The following CERT1 variants were observed in gnomAD, a reference collection of about 807,000 sequenced individuals.
CERT1 encodes ceramide transfer protein.
A neutral mutation model predicts 87.9 loss-of-function variants in CERT1; 31 were observed. The observed-to-expected ratio is 0.35, with a 90% CI of 0.27 to 0.48. The LOEUF (loss-of-function observed/expected upper bound fraction) is 0.48. Among genes scored for constraint, CERT1 ranks in the 20% least tolerant of loss-of-function variants. The pLI is 0.99. For synonymous variants in CERT1, 289 were observed against 250.9 expected, an observed-to-expected ratio of 1.15 and a Z score of -1.44; for missense variants, 487 against 758.0, an observed-to-expected ratio of 0.64 and a Z score of 4.20.
intron 2 of CERT1, among the ~76,000 whole-genome samples, chr5:75,475,692 A>G (rs1285328184): frequency 6.7e-6 from 1 of 149,972 alleles, no homozygotes; most frequent in Admixed American, 6.7e-5. Flanking sequence ...GCTTAATATT[A>G]GCCTTTTTTT....
intron 2 of CERT1, 117 bp downstream of exon 2, chr5:75,505,865 T>C: frequency 1.4e-6 from 1 of 723,632 alleles, no homozygotes; most frequent in Non-Finnish European, 2.2e-6. Flanking sequence ...ATGTATATTC[T>C]ACAAGGACAA....
At chr5:75,374,836 T>C, downstream of CERT1, 2 of 508,028 alleles carry the variant, frequency 3.9e-6, no homozygotes, top group South Asian at 1.5e-5. Flanking sequence ...AGACTGAAGA[T>C]GGACTATTCT....
At chr5:75,413,295 TA>T (rs1382699692) in intron 7 of CERT1, among the ~76,000 whole-genome samples, 1 of 152,184 alleles carries the variant, frequency 6.6e-6, no homozygotes, top group Non-Finnish European at 1.5e-5. Flanking sequence ...ACTTAATGGC[TA>T]AAGTCTAAAC....
intron 5 of CERT1, among the ~76,000 whole-genome samples, chr5:75,421,091 A>AAGCC (rs1763358083): frequency 6.6e-6 from 1 of 152,184 alleles, no homozygotes; most frequent in Non-Finnish European, 1.5e-5. Flanking sequence ...TTACAGGTGT[A>AAGCC]AGCCACTGCA....
chr5:75,474,481 T>C (rs750351198), intron 2 of CERT1, among the ~76,000 whole-genome samples: 1 of 152,104 alleles, frequency 6.6e-6, no homozygotes, highest in African/African-American at 2.4e-5. Flanking sequence ...AAGTAGAAGA[T>C]CTGTTCTCTT....
intron 1 of CERT1, among the ~76,000 whole-genome samples, chr5:75,509,242 T>A (rs1471236329): frequency 6.6e-6 from 1 of 152,184 alleles, no homozygotes; most frequent in Non-Finnish European, 1.5e-5. Context: ...AAATCCGAGT[T>A]CTGACCTTTG....
At chr5:75,410,973 T>A in intron 8 of CERT1, 38 bp downstream of exon 8, 1 of 1,078,266 alleles carries the variant, frequency 9.3e-7, no homozygotes, top group African/African-American at 1.6e-5. Flanking sequence ...ATAGACATGA[T>A]CTATGTGTTT....
rs1241665093 is a variant in CERT1, at chr5:75,389,643, A to G, written c.1233T>C (p.Asp411=). The G allele has an allele frequency of 1.9e-6, 3 of 1,614,132 alleles. No homozygotes were observed. Among genetic ancestry groups the G allele is most frequent in the Non-Finnish European group, 2.5e-6 (3 of 1,179,990 alleles). The stretch of plus-strand genomic sequence containing the variant: ...ACTGCCAATTGGCATCTCCGCCTAC[A>G]TCCTGTAATGAGTAAGTCATGTGGT... ...VQNHMTYSLQ[D]VGGDANWQLV... Residue 411 remains aspartate, a synonymous_variant, in exon 12 of 17, where the codon GAT becomes GAC. Transcript: ENST00000643780.
chr5:75,374,886 T>C (rs1168439734), downstream of CERT1: 3 of 399,106 alleles, frequency 7.5e-6, no homozygotes, highest in Non-Finnish European at 1.5e-5. Context: ...TAATATTGCA[T>C]GCTGAGTGTA....
chr5:75,396,421 T>C (rs1255922957), intron 11 of CERT1, among the ~76,000 whole-genome samples: 1 of 152,166 alleles, frequency 6.6e-6, no homozygotes, highest in African/African-American at 2.4e-5. Context: ...AACTGATGTA[T>C]ATTTGTGTAT....
intron 3 of CERT1, among the ~76,000 whole-genome samples, chr5:75,447,477 T>TATTTATTTA (rs575951035): frequency 9.0e-4 from 117 of 129,542 alleles, no homozygotes; most frequent in Middle Eastern, 4.1e-3. Flanking sequence ...TTTATTTATT[T>TATTTATTTA]TTTATTTTTT....
At chr5:75,373,996 G>A, downstream of CERT1, 1 of 398,242 alleles carries the variant, frequency 2.5e-6, no homozygotes, top group Non-Finnish European at 4.4e-6. Context: ...TATATGCTGA[G>A]CAAGGAGATC....
In CERT1 at chr5:75,381,182, C is replaced by T. The variant is rs762397975; in HGVS notation, c.1637G>A (p.Arg546His). The T allele has an allele frequency of 9.3e-6, 15 of 1,613,994 alleles. No homozygotes were observed. Among genetic ancestry groups the T allele is most frequent in the South Asian group, 4.4e-5 (4 of 91,082 alleles). ...DSAPLNNRCVRAKINVAMICQ... is the reference protein window; with the variant it reads ...DSAPLNNRCVHAKINVAMICQ... ...AATCATAGCAACATTTATTTTGGCA[C>T]GGACACATCGGTTGTTTAGCTGCCA... Residue 546 changes from arginine to histidine, a missense_variant, in exon 16 of 17, where the codon CGT becomes CAT. Transcript: ENST00000643780.
chr5:75,368,801 C>G (rs542459829), intron 17 of CERT1: 1 of 152,282 alleles, frequency 6.6e-6, no homozygotes, highest in Non-Finnish European at 1.5e-5. Flanking sequence ...TACTGATAAG[C>G]CCCACTGTAA....
intron 9 of CERT1, chr5:75,400,560 C>T (rs1367597848): frequency 2.8e-6 from 1 of 363,452 alleles, no homozygotes; most frequent in Non-Finnish European, 5.0e-6. Flanking sequence ...AGTCAGACTC[C>T]CTGCTACCTG....
At chr5:75,446,233 C>A (rs1486910234) in intron 3 of CERT1, among the ~76,000 whole-genome samples, 2 of 152,168 alleles carry the variant, frequency 1.3e-5, no homozygotes, top group Non-Finnish European at 2.9e-5. Flanking sequence ...TATCCGTTGT[C>A]CTATATTTAA....
intron 3 of CERT1, among the ~76,000 whole-genome samples, chr5:75,442,809 T>C (rs999929037): frequency 2.6e-5 from 4 of 151,982 alleles, no homozygotes; most frequent in Non-Finnish European, 4.4e-5. Context: ...AGAGCCAGAG[T>C]GAGCACGCAC....
At chr5:75,409,531 A>G (rs1762843677) in intron 8 of CERT1, among the ~76,000 whole-genome samples, 2 of 150,756 alleles carry the variant, frequency 1.3e-5, no homozygotes, top group Admixed American at 6.6e-5. Context: ...AGAAATATCA[A>G]CACTTTTTTT....
chr5:75,407,034 G>C (rs547590699), intron 8 of CERT1, among the ~76,000 whole-genome samples: 16 of 152,222 alleles, frequency 1.1e-4, no homozygotes, highest in Non-Finnish European at 2.2e-4. Context: ...AGAAAAGATA[G>C]ATGGTTCAAA....
Sources: allele counts gnomAD v4.1 joint callset (sites outside exome capture counted in the v4.1 genomes callset), GRCh38; gene constraint gnomAD v4.1.1; transcripts MANE v1.5; gene names NCBI Gene and HGNC (gene_info 2026-07-23, HGNC 2026-07-21).